Variants in ADAMTS6 observed in about 807,000 individuals in gnomAD.
The protein encoded by ADAMTS6 is A disintegrin and metalloproteinase with thrombospondin motifs 6.
A neutral mutation model predicts 144.3 loss-of-function variants in ADAMTS6; 23 were observed. The ratio of observed to expected loss-of-function variants is 0.16; its 90% CI spans 0.11 to 0.23. The LOEUF is 0.23. Among genes scored for constraint, ADAMTS6 ranks in the 10% least tolerant of loss-of-function variants. The pLI, the probability that ADAMTS6 is intolerant of heterozygous loss-of-function variation, is 1.00. For missense variants in ADAMTS6, 999 were observed against 1,379.6 expected, an observed-to-expected ratio of 0.72 and a Z score of 4.37; for synonymous variants, 444 against 457.5, an observed-to-expected ratio of 0.97 and a Z score of 0.38.
At chr5:65,365,452 C>T (rs1317410641) in intron 7 of ADAMTS6, among the ~76,000 whole-genome samples, 2 of 152,056 alleles carry the variant, frequency 1.3e-5, no homozygotes, top group Admixed American at 1.3e-4. Context: ...TTGAGATCAG[C>T]TTGGCCAACA....
At chr5:65,177,073 T>A (rs1386987580) in intron 22 of ADAMTS6, among the ~76,000 whole-genome samples, 1 of 152,114 alleles carries the variant, frequency 6.6e-6, no homozygotes, top group Non-Finnish European at 1.5e-5. Context: ...GATCACCTTC[T>A]CATCAAAGGG....
At chr5:65,447,325 A>G (rs1758346617) in intron 7 of ADAMTS6, among the ~76,000 whole-genome samples, 2 of 152,118 alleles carry the variant, frequency 1.3e-5, no homozygotes, top group Non-Finnish European at 2.9e-5. Context: ...TTTTATTCCT[A>G]AGTAGCTATT....
intron 1 of ADAMTS6, among the ~76,000 whole-genome samples, chr5:65,476,290 G>T (rs925667797): frequency 2.6e-5 from 4 of 152,164 alleles, no homozygotes; most frequent in Non-Finnish European, 5.9e-5. Flanking sequence ...AACACTTTGT[G>T]GCTCATGAGA....
At chr5:65,175,959 A>G (rs1301440110) in intron 22 of ADAMTS6, among the ~76,000 whole-genome samples, 7 of 152,206 alleles carry the variant, frequency 4.6e-5, no homozygotes, top group Non-Finnish European at 1.0e-4. Flanking sequence ...TGAAATCCCA[A>G]ACTTAAAAGG....
intron 24 of ADAMTS6, among the ~76,000 whole-genome samples, chr5:65,164,106 T>A (rs1397202229): frequency 1.3e-5 from 2 of 152,012 alleles, no homozygotes; most frequent in Non-Finnish European, 2.9e-5. Context: ...TTTCTGCATT[T>A]CCATCTGAGG....
chr5:65,153,245 C>A (rs1053753916), intron 24 of ADAMTS6, among the ~76,000 whole-genome samples: 2 of 152,218 alleles, frequency 1.3e-5, no homozygotes, highest in African/African-American at 4.8e-5. Context: ...CCCAAATCCA[C>A]TGAAAACATC....
intron 7 of ADAMTS6, among the ~76,000 whole-genome samples, chr5:65,349,771 C>T (rs1748676143): frequency 6.6e-6 from 1 of 151,584 alleles, no homozygotes. Context: ...AAGAGAATTG[C>T]TTGAACCCAA....
chr5:65,449,834 C>T (rs1026161244), intron 7 of ADAMTS6, among the ~76,000 whole-genome samples: 6 of 152,090 alleles, frequency 3.9e-5, no homozygotes, highest in Admixed American at 2.0e-4. Context: ...ATGTACTCTA[C>T]TACTTGAATA....
intron 24 of ADAMTS6, among the ~76,000 whole-genome samples, chr5:65,160,309 C>CTTT (rs796848986): frequency 7.2e-6 from 1 of 139,424 alleles, no homozygotes; most frequent in African/African-American, 2.6e-5. Flanking sequence ...CTCCGACTTT[C>CTTT]TTTTTTTTTT....
chr5:65,210,108 T>A (rs1310728110), intron 20 of ADAMTS6: 1 of 220,028 alleles, frequency 4.5e-6, no homozygotes. Flanking sequence ...GCGTACTATA[T>A]TGGCCTGCTG....
chr5:65,398,751 GAGAA>G (rs1233349481), intron 7 of ADAMTS6, among the ~76,000 whole-genome samples: 2 of 145,040 alleles, frequency 1.4e-5, no homozygotes, highest in Admixed American at 7.2e-5. Flanking sequence ...GAGATAAAGA[GAGAA>G]AGAGAGAGAG....
chr5:65,452,720 C>T lies in ADAMTS6; in HGVS notation c.830G>A (p.Ser277Asn), dbSNP rs760885862. 1.9e-5 allele frequency: 30 copies of T among 1,613,862 alleles called. No homozygotes were observed. The East Asian group carries it at 6.2e-4, about 34-fold the overall frequency. ...GRKDIEHYIL[S>N]VMNIVAKLYR... Reference sequence around the variant, plus strand: ...GATCAAACTTACAATATTCATCACACTCAAAATGTAATGTTCAATGTCTTT... The same window carrying T: ...GATCAAACTTACAATATTCATCACATTCAAAATGTAATGTTCAATGTCTTT... Residue 277 changes from serine to asparagine, a missense_variant, in exon 5 of 25, where the codon AGT (serine) becomes AAT (asparagine). Physicochemically the swap from Ser to Asn is conservative, Grantham distance 46. Coordinates refer to ENST00000381055, the MANE Select transcript of ADAMTS6 (RefSeq NM_197941.4).
At chr5:65,356,236 A>C (rs1439243974) in intron 7 of ADAMTS6, among the ~76,000 whole-genome samples, 1 of 151,914 alleles carries the variant, frequency 6.6e-6, no homozygotes, top group Non-Finnish European at 1.5e-5. Context: ...AATCATAAAA[A>C]TGTTAGATGA....
intron 7 of ADAMTS6, among the ~76,000 whole-genome samples, chr5:65,434,052 T>C (rs1757196514): frequency 6.6e-6 from 1 of 152,200 alleles, no homozygotes; most frequent in African/African-American, 2.4e-5. Context: ...ATCCACATAA[T>C]AGAATATTAT....
intron 3 of ADAMTS6, among the ~76,000 whole-genome samples, chr5:65,463,046 C>T (rs1185532668): frequency 5.4e-5 from 8 of 148,724 alleles, no homozygotes; most frequent in Non-Finnish European, 1.2e-4. Context: ...TGCCACTGCA[C>T]TCAGCCTGGG....
intron 13 of ADAMTS6, among the ~76,000 whole-genome samples, chr5:65,261,774 T>C (rs567476007): frequency 6.6e-6 from 1 of 151,880 alleles, no homozygotes; most frequent in South Asian, 2.1e-4. Context: ...AGAGGAATAA[T>C]TGATAGGAAG....
intron 7 of ADAMTS6, among the ~76,000 whole-genome samples, chr5:65,404,822 T>G (rs1580621698): frequency 6.6e-6 from 1 of 152,222 alleles, no homozygotes; most frequent in Non-Finnish European, 1.5e-5. Flanking sequence ...TCCTGACTTT[T>G]TAATGATCGC....
chr5:65,399,341 T>C (rs752161662), intron 7 of ADAMTS6, among the ~76,000 whole-genome samples: 3 of 152,212 alleles, frequency 2.0e-5, no homozygotes, highest in South Asian at 2.1e-4. Context: ...TGTCTTCCAA[T>C]TGGTGCATTT....
At chr5:65,457,447 A>G (rs114163910) in intron 4 of ADAMTS6, among the ~76,000 whole-genome samples, 4,682 of 152,252 alleles carry the variant, frequency 0.031, 137 homozygotes, top group Non-Finnish European at 0.041. Context: ...AAAGTGCAGA[A>G]TTTTATGATA....
Sources: allele counts gnomAD v4.1 joint callset (sites outside exome capture counted in the v4.1 genomes callset), GRCh38; gene constraint gnomAD v4.1.1; transcripts MANE v1.5; gene names NCBI Gene and HGNC (gene_info 2026-07-23, HGNC 2026-07-21).